Variants in DCUN1D2 observed in about 807,000 individuals in gnomAD.
The protein encoded by DCUN1D2 is defective in cullin neddylation 1 domain containing 2.
DCUN1D2 carries 29 observed loss-of-function variants against 30.9 expected under a neutral mutation model. The observed-to-expected ratio is 0.94, with a 90% CI of 0.70 to 1.28. DCUN1D2 has a LOEUF of 1.28. Ranked by LOEUF, DCUN1D2 falls within the 50% of genes most tolerant of loss-of-function variation. The pLI, the probability that DCUN1D2 is intolerant of heterozygous loss-of-function variation, is 0.00. For missense variants in DCUN1D2, 325 were observed against 316.9 expected (o/e 1.03, Z -0.19); for synonymous variants, 121 against 115.3 (o/e 1.05, Z -0.32).
intron 3 of DCUN1D2, among the ~76,000 whole-genome samples, chr13:113,477,897 G>C (rs1006436871): frequency 3.3e-5 from 5 of 151,980 alleles, no homozygotes; most frequent in Admixed American, 3.3e-4. Flanking sequence ...TTATCGTCTT[G>C]GGTTTTTTGC....
At chr13:113,484,319 G>T in intron 1 of DCUN1D2, 2 of 602,458 alleles carry the variant, frequency 3.3e-6, no homozygotes, top group Non-Finnish European at 5.2e-6. Context: ...TCTGCATGAA[G>T]TGTGACTATC....
At chr13:113,474,675 A>G (rs2044583433) in intron 3 of DCUN1D2, among the ~76,000 whole-genome samples, 1 of 152,204 alleles carries the variant, frequency 6.6e-6, no homozygotes, top group African/African-American at 2.4e-5. Context: ...CCACGGAGAG[A>G]GGACCCTGCC....
chr13:113,468,130 T>C (rs950475639), intron 4 of DCUN1D2, among the ~76,000 whole-genome samples: 1 of 148,974 alleles, frequency 6.7e-6, no homozygotes, highest in Non-Finnish European at 1.5e-5. Context: ...TTATTCACAA[T>C]AGCCAAATGG....
upstream of DCUN1D2, chr13:113,490,783 C>G (rs2044963821): frequency 1.9e-6 from 2 of 1,031,832 alleles, no homozygotes; most frequent in Non-Finnish European, 1.2e-6. This position sits in a 1 kb window ranked among gnomAD's most constrained non-coding sequence, Gnocchi z 5.2. Context: ...GTGCCGGGAG[C>G]CGGCCGCGGG....
chr13:113,460,053 A>AG (rs2044293312), intron 5 of DCUN1D2, among the ~76,000 whole-genome samples: 1 of 152,228 alleles, frequency 6.6e-6, no homozygotes, highest in Non-Finnish European at 1.5e-5. Context: ...GTTTGACCCC[A>AG]GGTAAGGCGT....
At chr13:113,460,370 G>C (rs1019050265) in intron 5 of DCUN1D2, among the ~76,000 whole-genome samples, 4 of 152,250 alleles carry the variant, frequency 2.6e-5, no homozygotes, top group African/African-American at 7.2e-5. Flanking sequence ...TTGGGCGGTG[G>C]AAGACCACTT....
chr13:113,459,544 G>A (rs890596399), intron 5 of DCUN1D2, 136 bp from the exon 6 acceptor site: 7 of 543,766 alleles, frequency 1.3e-5, no homozygotes, highest in Non-Finnish European at 2.3e-5. Context: ...ATTGTTAAAA[G>A]TAATAGCGTT....
At chr13:113,460,205 C>A (rs765432761) in intron 5 of DCUN1D2, among the ~76,000 whole-genome samples, 1 of 152,234 alleles carries the variant, frequency 6.6e-6, no homozygotes, top group Non-Finnish European at 1.5e-5. Flanking sequence ...CTTCCACAGA[C>A]AGCTCCGCCC....
chr13:113,469,752 T>C (rs1347622089), intron 4 of DCUN1D2, among the ~76,000 whole-genome samples: 2 of 148,032 alleles, frequency 1.4e-5, no homozygotes, highest in Non-Finnish European at 3.1e-5. Context: ...GGTGGGAGGA[T>C]CACTTAAGCC....
rs1421705316 is a variant in DCUN1D2 at position 113,458,094 on chromosome 13, G to T, written c.715C>A (p.Leu239Ile). 6.2e-7 allele frequency: 1 copy of T among 1,614,138 alleles called. No individual in the cohort carries two copies. Among genetic ancestry groups the T allele is most frequent in the Admixed American group, 1.7e-5 (1 of 60,018 alleles). ...GCATATTCTACAAAATCATCTATAA[G>T]AACGGGCCAAGCTCCTAAAGGAAAG... ...NYDEEGAWPV[L>I]IDDFVEYARP... is the part of the protein sequence containing the mutation. The change falls in exon 7 of 7, where the codon CTT becomes ATT. Residue 239 changes from leucine to isoleucine, a missense_variant. Physicochemically the swap from Leu to Ile is conservative, Grantham distance 5. Coordinates refer to ENST00000478244, the MANE Select transcript of DCUN1D2 (RefSeq NM_001014283.2).
rs2044255014 is a variant in DCUN1D2 at position 113,458,078 on chromosome 13, A to G, written c.731T>C (p.Val244Ala). 1.9e-6 allele frequency: 3 copies of G among 1,614,098 alleles called. No homozygotes were observed. Among genetic ancestry groups the G allele is most frequent in the Middle Eastern group, 1.6e-4 (1 of 6,084 alleles). The change falls in exon 7 of 7, where the codon GTA (valine) becomes GCA (alanine). Residue 244 changes from valine (V) to alanine (A), a missense_variant. Coordinates refer to ENST00000478244, the MANE Select transcript of DCUN1D2 (RefSeq NM_001014283.2). ...TGTGACTACTGGCCGTGCATATTCT[A>G]CAAAATCATCTATAAGAACGGGCCA... ...GAWPVLIDDF[V>A]EYARPVVTGG... is the part of the protein sequence containing the mutation.
chr13:113,487,926 C>T (rs888727959), intron 1 of DCUN1D2, among the ~76,000 whole-genome samples: 1 of 152,186 alleles, frequency 6.6e-6, no homozygotes, highest in Non-Finnish European at 1.5e-5. Flanking sequence ...ATATACTCTT[C>T]GGCGACTGAA....
upstream of DCUN1D2, chr13:113,490,717 C>T (rs190045678): frequency 1.1e-3 from 1,284 of 1,190,540 alleles, 13 homozygotes; most frequent in African/African-American, 0.018. This position sits in a 1 kb window ranked among gnomAD's most constrained non-coding sequence, Gnocchi z 5.2. Context: ...TCTGCGCAGG[C>T]GCGGCGGCGG....
chr13:113,458,004 A>C lies in DCUN1D2; in HGVS notation c.*25T>G. ...CTTGCAGGATACAAATCATTTCATAATCTTACTCCTGCTTAACTTGCTGCC... is the reference window on the plus strand; with the variant it reads ...CTTGCAGGATACAAATCATTTCATACTCTTACTCCTGCTTAACTTGCTGCC... On this transcript the variant is annotated 3_prime_UTR_variant, in exon 7 of 7. Coordinates refer to ENST00000478244, the MANE Select transcript of DCUN1D2 (RefSeq NM_001014283.2). The C allele has an allele frequency of 6.2e-7, 1 of 1,602,136 alleles. No individual in the cohort carries two copies. The highest frequency in any genetic ancestry group is 8.6e-7 in the Non-Finnish European group (1 of 1,169,140).
chr13:113,483,757 C>T lies in DCUN1D2; in HGVS notation c.220+83G>A, dbSNP rs904299395. 16 of 1,399,748 alleles carry T rather than the reference C, an allele frequency of 1.1e-5. No individual in the cohort carries two copies. The East Asian group carries it at 1.6e-4, about 14-fold the overall frequency. 86.7% of individuals were successfully genotyped at this position (1,399,748 alleles called of 1,614,324 possible). ...GCAACGGCAGCCCGGAGACCTGCCC[C>T]GGCACCAGAACCCTGGAAGTGCAGC... On this transcript the variant is annotated intron_variant, in intron 2 of 6. Coordinates refer to ENST00000478244, the MANE Select transcript of DCUN1D2 (RefSeq NM_001014283.2).
At chr13:113,466,771 A>G (rs548248851) in intron 4 of DCUN1D2, among the ~76,000 whole-genome samples, 94 of 151,668 alleles carry the variant, frequency 6.2e-4, no homozygotes, top group Middle Eastern at 6.9e-3. Flanking sequence ...ATATTGTTAA[A>G]GAATCCCCAT....
intron 4 of DCUN1D2, among the ~76,000 whole-genome samples, chr13:113,471,666 A>C (rs1258338069): frequency 2.0e-5 from 3 of 152,244 alleles, no homozygotes; most frequent in Non-Finnish European, 1.5e-5. Flanking sequence ...GCAAAACAGT[A>C]AGCAACTTAT....
At chr13:113,469,330 T>C (rs1460032822) in intron 4 of DCUN1D2, among the ~76,000 whole-genome samples, 3 of 152,126 alleles carry the variant, frequency 2.0e-5, no homozygotes, top group Non-Finnish European at 4.4e-5. Context: ...CTACAAACAG[T>C]AGTCACCCCT....
At position 113,456,286 on chromosome 13, in the gene DCUN1D2, G is replaced by A. The variant is rs2044225107; in HGVS notation, c.*1743C>T. 5.0e-6 allele frequency: 2 copies of A among 398,808 alleles called. No homozygotes were observed. The highest frequency in any genetic ancestry group is 8.8e-6 in the Non-Finnish European group (2 of 226,196). 24.7% of individuals were successfully genotyped at this position (398,808 alleles called of 1,614,324 possible). A position where few individuals can be genotyped will look rare whatever the true frequency, so the allele number is the denominator to read the frequency against. On this transcript the variant is annotated 3_prime_UTR_variant, in exon 7 of 7. Coordinates refer to ENST00000478244, the MANE Select transcript of DCUN1D2 (RefSeq NM_001014283.2). The stretch of plus-strand genomic sequence containing the variant: ...CAGCGGGGGCCAGGCGGGGTCTGCA[G>A]GCTGCAGGTCCCTTCCAGTCCTGTC...
Sources: gnomAD v4.1 joint callset for allele counts (sites outside exome capture counted in the v4.1 genomes callset) on GRCh38, gnomAD v4.1.1 for gene constraint, Gnocchi (gnomAD v3.1) non-coding constraint, MANE v1.5 for transcripts, NCBI Gene and HGNC (gene_info 2026-07-23, HGNC 2026-07-21) for gene names.